Variants in ZNF385B observed in about 807,000 individuals in gnomAD.
ZNF385B encodes the protein zinc finger protein 385B.
Under a neutral mutation model 39.2 loss-of-function variants are expected in ZNF385B, and 23 were observed. The observed-to-expected ratio is 0.59, with a 90% CI of 0.42 to 0.83. The LOEUF (loss-of-function observed/expected upper bound fraction) is 0.83. Ranked by LOEUF, ZNF385B falls within the 40% of genes least tolerant of loss-of-function variation. The pLI, the probability that ZNF385B is intolerant of heterozygous loss-of-function variation, is 0.00. For missense variants in ZNF385B, 552 were observed against 598.9 expected, an observed-to-expected ratio of 0.92 and a Z score of 0.82; for synonymous variants, 205 against 222.6, an observed-to-expected ratio of 0.92 and a Z score of 0.70.
intron 6 of ZNF385B, among the ~76,000 whole-genome samples, chr2:179,447,851 A>G (rs2105555320): frequency 6.6e-6 from 1 of 152,274 alleles, no homozygotes; most frequent in South Asian, 2.1e-4. Flanking sequence ...TGTATGTTAC[A>G]AGGTTCTGTA....
At chr2:179,654,702 T>G (rs7569504) in intron 3 of ZNF385B, among the ~76,000 whole-genome samples, 5 of 152,048 alleles carry the variant, frequency 3.3e-5, no homozygotes, top group Admixed American at 1.3e-4. Context: ...TGGGAGGTTC[T>G]CAAAGGAGCT....
At chr2:179,757,397 C>T (rs1017132997) in intron 3 of ZNF385B, among the ~76,000 whole-genome samples, 7 of 152,302 alleles carry the variant, frequency 4.6e-5, no homozygotes, top group Admixed American at 3.9e-4. Flanking sequence ...CCCAGTTAGG[C>T]TACTCGGGGT....
At chr2:179,493,006 G>A (rs1392905032) in intron 5 of ZNF385B, among the ~76,000 whole-genome samples, 4 of 152,044 alleles carry the variant, frequency 2.6e-5, no homozygotes, top group Non-Finnish European at 5.9e-5. Context: ...TAAAATAATA[G>A]TATCTATAAC....
chr2:179,502,453 A>G (rs905629294), intron 5 of ZNF385B, among the ~76,000 whole-genome samples: 3 of 152,044 alleles, frequency 2.0e-5, no homozygotes, highest in Non-Finnish European at 4.4e-5. Context: ...TTGGGGGCGG[A>G]CTTCTCCTTT....
intron 3 of ZNF385B, among the ~76,000 whole-genome samples, chr2:179,647,323 T>C (rs1692807439): frequency 6.6e-6 from 1 of 152,176 alleles, no homozygotes; most frequent in African/African-American, 2.4e-5. Context: ...TACATCAACA[T>C]TTTGTTACAT....
At chr2:179,560,205 T>A (rs1349460365) in intron 3 of ZNF385B, among the ~76,000 whole-genome samples, 1 of 152,192 alleles carries the variant, frequency 6.6e-6, no homozygotes, top group African/African-American at 2.4e-5. Flanking sequence ...CATAATGACT[T>A]CTTCATAAGA....
rs1002982104 is a variant in ZNF385B at position 179,680,663 on chromosome 2, A to T, written c.298+88840T>A. On this transcript the variant is annotated intron_variant, in intron 3 of 9. Coordinates refer to ENST00000410066, the MANE Select transcript of ZNF385B (RefSeq NM_152520.6). The stretch of plus-strand genomic sequence containing the variant: ...TACTTCAATATAAAGCTTACTTAAA[A>T]TATTCTTCTTTTTTGACTTTCCTTC... Among the ~76,000 whole-genome samples the T allele has an allele frequency of 3.3e-5, 5 of 152,162 alleles. No individual in the cohort carries two copies. The East Asian group carries it at 9.6e-4, about 29-fold the overall frequency.
chr2:179,652,026 C>T (rs1207889237), intron 3 of ZNF385B, among the ~76,000 whole-genome samples: 2 of 152,018 alleles, frequency 1.3e-5, no homozygotes, highest in East Asian at 3.8e-4. Context: ...AATTTTTAGT[C>T]CCAGATTAAA....
intron 3 of ZNF385B, among the ~76,000 whole-genome samples, chr2:179,583,438 A>T: frequency 6.6e-6 from 1 of 152,290 alleles, no homozygotes; most frequent in East Asian, 1.9e-4. Flanking sequence ...AGGACTTGCT[A>T]TATATTAAGT....
At chr2:179,512,424 T>C (rs1048717704) in intron 5 of ZNF385B, among the ~76,000 whole-genome samples, 3 of 152,194 alleles carry the variant, frequency 2.0e-5, no homozygotes, top group Non-Finnish European at 4.4e-5. Flanking sequence ...GAAATGAATA[T>C]GTAAATTAGA....
Position 179,548,624 on chromosome 2 carries a change from G to C in ZNF385B, c.299-3655C>G, listed in dbSNP as rs937116848. Among the ~76,000 whole-genome samples the C allele has an allele frequency of 8.0e-5, 12 of 149,408 alleles. 1 individual carries two copies. The highest frequency in any genetic ancestry group is 1.8e-4 in the Non-Finnish European group (12 of 67,686). On this transcript the variant is annotated intron_variant, in intron 3 of 9. Transcript: ENST00000410066. ...ATGGACTCACAGTTCTACATGGCTG[G>C]AGAGGCCTCACAACCATAGTGGAAG...
chr2:179,476,056 C>T (rs2053417386), intron 6 of ZNF385B, among the ~76,000 whole-genome samples: 1 of 150,796 alleles, frequency 6.6e-6, no homozygotes, highest in South Asian at 2.1e-4. Flanking sequence ...ACCCAGAATC[C>T]CCCAAAATGC....
intron 5 of ZNF385B, among the ~76,000 whole-genome samples, chr2:179,483,656 A>T (rs1170547650): frequency 1.3e-5 from 2 of 152,168 alleles, no homozygotes; most frequent in Non-Finnish European, 2.9e-5. Context: ...TCTTTAAAAA[A>T]CCAGACATTA....
chr2:179,814,489 C>T (rs998703867), intron 1 of ZNF385B: 6 of 601,376 alleles, frequency 1.0e-5, no homozygotes, highest in African/African-American at 9.5e-5. Flanking sequence ...GATCCATGCA[C>T]TATCATGTTT....
intron 3 of ZNF385B, among the ~76,000 whole-genome samples, chr2:179,626,528 C>T (rs565740182): frequency 7.9e-5 from 12 of 152,060 alleles, no homozygotes; most frequent in Admixed American, 1.3e-4. Context: ...AACCCAGATA[C>T]GTAAATCAAA....
chr2:179,751,727 A>G (rs1702688311), intron 3 of ZNF385B, among the ~76,000 whole-genome samples: 2 of 152,072 alleles, frequency 1.3e-5, no homozygotes. Flanking sequence ...CAAGAAAAAA[A>G]TAAAATTATG....
At chr2:179,443,554 C>T (rs1316091533) in intron 9 of ZNF385B, 86 bp from the exon 10 acceptor site, 3 of 1,015,632 alleles carry the variant, frequency 3.0e-6, no homozygotes, top group Non-Finnish European at 4.5e-6. Context: ...AGTAAAACAC[C>T]AACATTAAGA....
At chr2:179,675,549 T>C (rs963157723) in intron 3 of ZNF385B, among the ~76,000 whole-genome samples, 1 of 152,174 alleles carries the variant, frequency 6.6e-6, no homozygotes, top group African/African-American at 2.4e-5. Flanking sequence ...CAAATAAGAA[T>C]ACACTGGCAG....
chr2:179,465,734 G>A (rs2051924113), intron 6 of ZNF385B, among the ~76,000 whole-genome samples: 3 of 152,004 alleles, frequency 2.0e-5, no homozygotes, highest in Admixed American at 6.6e-5. Context: ...TACTGATCTT[G>A]ACCATTCTAG....
Sources: allele counts gnomAD v4.1 joint callset (sites outside exome capture counted in the v4.1 genomes callset), GRCh38; gene constraint gnomAD v4.1.1; transcripts MANE v1.5; gene names NCBI Gene and HGNC (gene_info 2026-07-23, HGNC 2026-07-21).